TBL1XR1: variants seen among roughly 807,000 people sequenced by gnomAD.
TBL1XR1 encodes the protein TBL1X/Y related 1.
A neutral mutation model predicts 66.9 loss-of-function variants in TBL1XR1; 5 were observed. The observed-to-expected ratio is 0.07, with a 90% CI of 0.04 to 0.16. The LOEUF (loss-of-function observed/expected upper bound fraction) is 0.16, where lower values mean the gene tolerates loss of function less well. Among genes scored for constraint, TBL1XR1 ranks in the 10% least tolerant of loss-of-function variants. The pLI, the probability that TBL1XR1 is intolerant of heterozygous loss-of-function variation, is 1.00. For missense variants in TBL1XR1, 238 were observed against 623.2 expected (o/e 0.38, Z 6.58); for synonymous variants, 210 against 206.0 (o/e 1.02, Z -0.17).
At chr3:177,065,154 C>A in intron 2 of TBL1XR1, 132 bp from the exon 3 acceptor site, 2 of 507,108 alleles carry the variant, frequency 3.9e-6, no homozygotes, top group Non-Finnish European at 6.4e-6. Flanking sequence ...ATAATAAAAC[C>A]TGACAAAGTT....
intron 1 of TBL1XR1, among the ~76,000 whole-genome samples, chr3:177,185,820 A>G (rs1735337367): frequency 6.6e-6 from 1 of 152,090 alleles, no homozygotes; most frequent in Admixed American, 6.6e-5. Context: ...CCTGAGCAAC[A>G]TAGTGAGATC....
intron 1 of TBL1XR1, among the ~76,000 whole-genome samples, chr3:177,102,061 G>T (rs2108681244): frequency 6.6e-6 from 1 of 152,108 alleles, no homozygotes; most frequent in East Asian, 1.9e-4. Context: ...TACCTTTATA[G>T]AATGCTAAAT....
intron 1 of TBL1XR1, among the ~76,000 whole-genome samples, chr3:177,195,243 G>A (rs1736681279): frequency 1.3e-5 from 2 of 151,838 alleles, no homozygotes; most frequent in Admixed American, 1.3e-4. Context: ...TTAAGAGCAA[G>A]AAGCCTAATC....
intron 2 of TBL1XR1, among the ~76,000 whole-genome samples, 169 bp from the exon 3 acceptor site, chr3:177,065,191 T>C (rs921414538): frequency 2.6e-5 from 4 of 152,186 alleles, no homozygotes; most frequent in African/African-American, 9.6e-5. Flanking sequence ...AAAATGATTA[T>C]ACAACCAAAA....
At chr3:177,200,955 C>T (rs746652374), upstream of TBL1XR1, among the ~76,000 whole-genome samples, 8 of 151,568 alleles carry the variant, frequency 5.3e-5, no homozygotes, top group South Asian at 2.1e-4. Context: ...TGCAGTGAGC[C>T]GAGATAGTGC....
rs1053956201 is a variant in TBL1XR1 at position 177,069,793 on chromosome 3, A to G, written c.-45-4771T>C. ...GGAAGGAAAGGAAGGAAAAGGAAGG[A>G]AAGGAAGGAAGGAAGGAAGGAAGGA... On this transcript the variant is annotated intron_variant, in intron 2 of 15. Transcript: ENST00000457928. 4.5e-3 allele frequency among the ~76,000 whole-genome samples: 414 copies of G among 92,404 alleles called. 6 individuals are homozygous for G. Among genetic ancestry groups the G allele is most frequent in the African/African-American group, 6.7e-3 (147 of 21,978 alleles). 60.6% of individuals were successfully genotyped at this position (92,404 alleles called of 152,430 possible). A position where few individuals can be genotyped will look rare whatever the true frequency, so the allele number is the denominator to read the frequency against.
At chr3:177,102,237 A>G (rs1724315088) in intron 1 of TBL1XR1, among the ~76,000 whole-genome samples, 1 of 152,184 alleles carries the variant, frequency 6.6e-6, no homozygotes, top group African/African-American at 2.4e-5. Flanking sequence ...CGTTAAGGAG[A>G]AAGACCACAA....
intron 7 of TBL1XR1, chr3:177,047,822 T>C (rs1017236119): frequency 2.6e-6 from 1 of 386,602 alleles, no homozygotes; most frequent in African/African-American, 2.0e-5. Context: ...ACCTCATGCA[T>C]GCCAAAAGTA....
At chr3:177,199,380 T>C (rs1176630618), upstream of TBL1XR1, among the ~76,000 whole-genome samples, 1 of 28,336 alleles carries the variant, frequency 3.5e-5, no homozygotes, top group African/African-American at 1.1e-4. Flanking sequence ...AGTATCTTCC[T>C]TTTTTTTTTT....
At chr3:177,032,908 GTAT>G (rs1475937978) in intron 14 of TBL1XR1, 60 bp downstream of exon 14, 1 of 1,346,830 alleles carries the variant, frequency 7.4e-7, no homozygotes. Flanking sequence ...GAGGCAGAGT[GTAT>G]AGGCAAATGC....
At chr3:177,193,248 T>C (rs141337934) in intron 1 of TBL1XR1, among the ~76,000 whole-genome samples, 4 of 149,900 alleles carry the variant, frequency 2.7e-5, no homozygotes, top group Admixed American at 6.7e-5. Context: ...GAGCCTGAGT[T>C]TGAACTCACT....
chr3:177,115,949 G>T (rs1051006031), intron 1 of TBL1XR1, among the ~76,000 whole-genome samples: 1 of 152,110 alleles, frequency 6.6e-6, no homozygotes. Flanking sequence ...TCAGAAGTCC[G>T]CTAGGGAAGG....
chr3:177,147,203 T>C (rs1134320), intron 1 of TBL1XR1, among the ~76,000 whole-genome samples: 3,227 of 152,172 alleles, frequency 0.021, 132 homozygotes, highest in African/African-American at 0.073. Context: ...CGCATCACCA[T>C]GCCCAGCTAA....
At position 177,051,580 on chromosome 3, in the gene TBL1XR1, TGCAGCTGCGGCAGCTGCA is replaced by T. The variant is rs1462665726; in HGVS notation, c.333_350del (p.Ala113_Ala118del). On this transcript the variant is annotated inframe_deletion, in exon 5 of 16. Coordinates refer to ENST00000457928, the MANE Select transcript of TBL1XR1 (RefSeq NM_024665.7). Reference sequence around the variant, plus strand: ...TTTTTGCAGATCCTTGTTGGCTGGCTGCAGCTGCGGCAGCTGCAGCAGCTGCTGCCTGTTGCTGTGCAA... The same window carrying T: ...TTTTTGCAGATCCTTGTTGGCTGGCTGCAGCTGCTGCCTGTTGCTGTGCAA... 6.2e-7 allele frequency: 1 copy of T among 1,613,770 alleles called. No individual in the cohort carries two copies.
intron 3 of TBL1XR1, among the ~76,000 whole-genome samples, chr3:177,061,438 A>G (rs572885177): frequency 2.4e-4 from 37 of 152,372 alleles, no homozygotes; most frequent in Admixed American, 6.5e-4. Context: ...TTACATAAAA[A>G]AAGTATTACT....
intron 1 of TBL1XR1, among the ~76,000 whole-genome samples, chr3:177,151,705 G>T (rs1730908765): frequency 6.6e-6 from 1 of 152,172 alleles, no homozygotes. Flanking sequence ...CAGCCACTGT[G>T]AAATATCAGA....
rs1553833613 is a variant in TBL1XR1 at position 177,084,105 on chromosome 3, A to AG, written c.-46+14360_-46+14361insC. ...TCCGTCTCAAAAAAAAAAAAAAAGA[A>AG]AAAAGAAAAGAAAAGAAAAAACTTA... On this transcript the variant is annotated intron_variant, in intron 2 of 15. Coordinates refer to ENST00000457928, the MANE Select transcript of TBL1XR1 (RefSeq NM_024665.7). Among the ~76,000 whole-genome samples the AG allele has an allele frequency of 7.6e-4, 115 of 151,808 alleles. 2 individuals are homozygous for AG. Among genetic ancestry groups the AG allele is most frequent in the African/African-American group, 2.6e-3 (109 of 41,384 alleles).
chr3:177,065,240 CA>C (rs1223627983), intron 2 of TBL1XR1, among the ~76,000 whole-genome samples: 1 of 151,848 alleles, frequency 6.6e-6, no homozygotes, highest in Middle Eastern at 3.2e-3. Flanking sequence ...AACATACTGG[CA>C]AAAATAAAAC....
intron 1 of TBL1XR1, among the ~76,000 whole-genome samples, chr3:177,168,686 C>T (rs770200337): frequency 2.0e-5 from 3 of 152,176 alleles, no homozygotes; most frequent in Non-Finnish European, 4.4e-5. Context: ...ACATACTGAA[C>T]TTTTCTCTCT....
Sources: gnomAD v4.1 joint callset for allele counts (sites outside exome capture counted in the v4.1 genomes callset) on GRCh38, gnomAD v4.1.1 for gene constraint, MANE v1.5 for transcripts, NCBI Gene and HGNC (gene_info 2026-07-23, HGNC 2026-07-21) for gene names.